SIN3A: variants seen among roughly 807,000 people sequenced by gnomAD.
SIN3A encodes SIN3 transcription regulator family member A.
SIN3A carries 14 observed loss-of-function variants against 146.1 expected under a neutral mutation model. The observed-to-expected ratio is 0.10, with a 90% confidence interval of 0.06 to 0.15. SIN3A has a LOEUF of 0.15. SIN3A is among the 10% of genes least tolerant of loss of function. The pLI is 1.00. For synonymous variants in SIN3A, 572 were observed against 572.0 expected (o/e 1.00, Z 0.00); for missense variants, 1,028 against 1,576.0 (o/e 0.65, Z 5.89).
At chr15:75,411,419 T>C (rs926484039) in intron 6 of SIN3A, 73 bp downstream of exon 6, 46 of 1,409,528 alleles carry the variant, frequency 3.3e-5, no homozygotes, top group Middle Eastern at 3.7e-4. Context: ...GACACAATAA[T>C]GGTTACTTGT....
At chr15:75,421,490 A>C (rs1303017759) in intron 3 of SIN3A, 1 of 152,246 alleles carries the variant, frequency 6.6e-6, no homozygotes, top group African/African-American at 2.4e-5. Context: ...TATAATATTT[A>C]TGTAGCATTT....
At chr15:75,399,262 C>T (rs2141449604) in intron 12 of SIN3A, among the ~76,000 whole-genome samples, 2 of 152,076 alleles carry the variant, frequency 1.3e-5, no homozygotes, top group East Asian at 3.9e-4. Flanking sequence ...GGCGCAGTGG[C>T]TCACACCTGT....
intron 17 of SIN3A, among the ~76,000 whole-genome samples, chr15:75,383,454 T>C (rs2073014700): frequency 6.6e-6 from 1 of 151,950 alleles, no homozygotes; most frequent in African/African-American, 2.4e-5. Flanking sequence ...GACAGAGTCT[T>C]GCTCTGTCAC....
At chr15:75,453,944 C>G (rs1212143759), upstream of SIN3A, 1 of 152,294 alleles carries the variant, frequency 6.6e-6, no homozygotes, top group Non-Finnish European at 1.5e-5. Context: ...GGCGCCGAGC[C>G]TAGGACTTCC....
chr15:75,406,503 C>T (rs912981408), intron 9 of SIN3A, among the ~76,000 whole-genome samples: 6 of 152,128 alleles, frequency 3.9e-5, no homozygotes, highest in East Asian at 3.9e-4. Flanking sequence ...CTGGCTAACA[C>T]GGTGAAACCC....
intron 9 of SIN3A, among the ~76,000 whole-genome samples, chr15:75,403,290 C>T (rs1028855512): frequency 1.5e-4 from 23 of 151,402 alleles, no homozygotes; most frequent in African/African-American, 5.6e-4. Context: ...ATTAGCTAGG[C>T]GTGGTGGTGG....
At chr15:75,429,996 G>C (rs1259011884) in intron 2 of SIN3A, 191 bp downstream of exon 2, 2 of 563,080 alleles carry the variant, frequency 3.6e-6, no homozygotes, top group Non-Finnish European at 6.2e-6. Flanking sequence ...GGATACGCAG[G>C]GAACTTCAAA....
chr15:75,396,707 C>A (rs1406657554), intron 12 of SIN3A, among the ~76,000 whole-genome samples: 3 of 152,180 alleles, frequency 2.0e-5, no homozygotes, highest in African/African-American at 7.2e-5. Flanking sequence ...ATGATACAAT[C>A]CACATAAAGT....
At chr15:75,424,054 T>C (rs1281384533) in intron 2 of SIN3A, among the ~76,000 whole-genome samples, 1 of 152,142 alleles carries the variant, frequency 6.6e-6, no homozygotes, top group African/African-American at 2.4e-5. Context: ...AAGGATGAGT[T>C]TTTTTCTTAA....
chr15:75,453,271 G>C (rs1042917529), upstream of SIN3A: 3 of 152,436 alleles, frequency 2.0e-5, no homozygotes, highest in African/African-American at 7.2e-5. Flanking sequence ...GCAGCGAATT[G>C]TGAACTCCAA....
intron 8 of SIN3A, among the ~76,000 whole-genome samples, chr15:75,408,316 TTGATTTCAAA>T (rs2073558290): frequency 6.6e-6 from 1 of 152,246 alleles, no homozygotes; most frequent in Non-Finnish European, 1.5e-5. Flanking sequence ...TATGTTCAAC[TTGATTTCAAA>T]AGATTTCAAA....
intron 19 of SIN3A, among the ~76,000 whole-genome samples, chr15:75,378,307 G>A (rs1392299978): frequency 3.9e-5 from 6 of 152,172 alleles, no homozygotes; most frequent in Non-Finnish European, 5.9e-5. Context: ...GCTCACACCC[G>A]TAATCACAGC....
chr15:75,450,256 T>G (rs972392190), intron 1 of SIN3A, among the ~76,000 whole-genome samples: 2 of 152,042 alleles, frequency 1.3e-5, no homozygotes, highest in Non-Finnish European at 2.9e-5. Context: ...TTTCCTGTTA[T>G]AAATCTCAGC....
chr15:75,388,783 A>C (rs1456116528), intron 16 of SIN3A: 1 of 153,094 alleles, frequency 6.5e-6, no homozygotes, highest in Non-Finnish European at 1.5e-5. Context: ...TATGGGCAAA[A>C]AGGGCCAAGG....
At chr15:75,411,432 T>C (rs2073636697) in intron 6 of SIN3A, 60 bp downstream of exon 6, 14 of 1,505,580 alleles carry the variant, frequency 9.3e-6, no homozygotes, top group Admixed American at 3.7e-5. Flanking sequence ...TTACTTGTTA[T>C]TGGACTAGAT....
At chr15:75,396,140 T>A (rs1361697407) in intron 13 of SIN3A, 118 bp downstream of exon 13, 2 of 750,692 alleles carry the variant, frequency 2.7e-6, no homozygotes, top group African/African-American at 3.5e-5. Context: ...ACAACCAGGG[T>A]TGGGGAGAAA....
At chr15:75,434,824 T>C (rs1463965662) in intron 1 of SIN3A, among the ~76,000 whole-genome samples, 1 of 151,124 alleles carries the variant, frequency 6.6e-6, no homozygotes, top group Non-Finnish European at 1.5e-5. Context: ...GGTGCATGCC[T>C]GTAATCCCAG....
At chr15:75,376,255 A>C in intron 19 of SIN3A, 2 of 208,984 alleles carry the variant, frequency 9.6e-6, no homozygotes, top group Non-Finnish European at 1.9e-5. Flanking sequence ...TGTCATGAAT[A>C]TTTTTTCATT....
chr15:75,445,441 G>A (rs376529758), intron 1 of SIN3A, among the ~76,000 whole-genome samples: 85 of 148,564 alleles, frequency 5.7e-4, no homozygotes, highest in African/African-American at 2.1e-3. Flanking sequence ...TGTAATCCCA[G>A]CTACTCGGGA....
Sources: allele counts gnomAD v4.1 joint callset (sites outside exome capture counted in the v4.1 genomes callset), GRCh38; gene constraint gnomAD v4.1.1; transcripts MANE v1.5; gene names NCBI Gene and HGNC (gene_info 2026-07-23, HGNC 2026-07-21).